GAREM1: variants seen among roughly 807,000 people sequenced by gnomAD.
GAREM1 encodes the protein GRB2 associated regulator of MAPK1 subtype 1.
A neutral mutation model predicts 71.3 loss-of-function variants in GAREM1; 26 were observed. The ratio of observed to expected loss-of-function variants is 0.36; its 90% CI spans 0.27 to 0.51. The LOEUF is 0.51. Among genes scored for constraint, GAREM1 ranks in the 20% least tolerant of loss-of-function variants. The probability of loss-of-function intolerance (pLI) is 0.95; values close to 1 mark genes in which losing one functional copy is unlikely to be tolerated. For synonymous variants in GAREM1, 440 were observed against 433.2 expected (o/e 1.02, Z -0.20); for missense variants, 1,026 against 1,103.1 (o/e 0.93, Z 0.99).
rs561131051 is a variant in GAREM1 at position 32,387,907 on chromosome 18, T to C, written c.262+4988A>G. On this transcript the variant is annotated intron_variant, in intron 2 of 5. Transcript: ENST00000269209. ...GTTTTATTGCTTTCCAAAATATGCA[T>C]GAATGGAGCTGTGGCCTATGGCTGC... 2.0e-5 allele frequency among the ~76,000 whole-genome samples: 3 copies of C among 152,322 alleles called. No homozygotes were observed. In the East Asian group the frequency reaches 5.8e-4, roughly 29 times the overall value.
intron 2 of GAREM1, among the ~76,000 whole-genome samples, chr18:32,378,265 C>T (rs2048057927): frequency 6.6e-6 from 1 of 152,086 alleles, no homozygotes; most frequent in Admixed American, 6.5e-5. Context: ...TTTGAGCGGC[C>T]AAGGCGGGTG....
chr18:32,371,079 G>A (rs2047973712), intron 2 of GAREM1, among the ~76,000 whole-genome samples: 1 of 152,144 alleles, frequency 6.6e-6, no homozygotes, highest in Non-Finnish European at 1.5e-5. Flanking sequence ...AGCATCAGAA[G>A]AGGCTTCCTA....
intron 1 of GAREM1, among the ~76,000 whole-genome samples, chr18:32,436,383 C>T (rs1160487808): frequency 2.0e-5 from 3 of 152,090 alleles, no homozygotes; most frequent in African/African-American, 7.2e-5. Context: ...GTGTGTATGA[C>T]TTGCAATGTC....
At chr18:32,300,973 T>C (rs929530733) in intron 3 of GAREM1, among the ~76,000 whole-genome samples, 1 of 151,714 alleles carries the variant, frequency 6.6e-6, no homozygotes, top group Non-Finnish European at 1.5e-5. Flanking sequence ...AGGTCTTCAT[T>C]TTTTCAGCAC....
At chr18:32,351,183 G>C (rs10502590) in intron 2 of GAREM1, among the ~76,000 whole-genome samples, 4 of 152,104 alleles carry the variant, frequency 2.6e-5, no homozygotes, top group Middle Eastern at 6.8e-3. Flanking sequence ...TCATTCAATT[G>C]CGTTAAAACT....
At chr18:32,458,035 A>C (rs1300378811) in intron 1 of GAREM1, among the ~76,000 whole-genome samples, 6 of 152,110 alleles carry the variant, frequency 3.9e-5, no homozygotes, top group Non-Finnish European at 8.8e-5. Context: ...GTGAATTTCT[A>C]TTATTTATTC....
chr18:32,442,815 G>A (rs982935167), intron 1 of GAREM1, among the ~76,000 whole-genome samples: 2 of 152,114 alleles, frequency 1.3e-5, no homozygotes, highest in Admixed American at 6.6e-5. Flanking sequence ...TGAAGATATT[G>A]TTCTAGAACA....
At chr18:32,395,080 A>G (rs113116160) in intron 1 of GAREM1, among the ~76,000 whole-genome samples, 10 of 152,320 alleles carry the variant, frequency 6.6e-5, no homozygotes, top group Middle Eastern at 3.4e-3. Flanking sequence ...TTAACCTTTA[A>G]AAGTTAGGAA....
intron 3 of GAREM1, among the ~76,000 whole-genome samples, chr18:32,296,707 G>GT (rs547556975): frequency 0.21 from 29,020 of 139,852 alleles, 3,040 homozygotes; most frequent in South Asian, 0.25. Flanking sequence ...TTTCTTGGCA[G>GT]TTTTTTTTTT....
intron 1 of GAREM1, among the ~76,000 whole-genome samples, chr18:32,400,669 A>C (rs181024510): frequency 0.033 from 5,049 of 152,230 alleles, 132 homozygotes; most frequent in East Asian, 0.11. Flanking sequence ...AAAAGTCAGG[A>C]AACAACAGGT....
chr18:32,391,311 A>T (rs1475505967), intron 2 of GAREM1, among the ~76,000 whole-genome samples: 1 of 152,106 alleles, frequency 6.6e-6, no homozygotes, highest in African/African-American at 2.4e-5. Flanking sequence ...CAGTTTGGAG[A>T]AGTAGACCAG....
At chr18:32,328,738 A>T (rs1284467865) in intron 2 of GAREM1, among the ~76,000 whole-genome samples, 1 of 152,206 alleles carries the variant, frequency 6.6e-6, no homozygotes, top group African/African-American at 2.4e-5. Flanking sequence ...AACAAAAATG[A>T]ATTCCTACCT....
intron 2 of GAREM1, among the ~76,000 whole-genome samples, chr18:32,362,890 C>T (rs994704657): frequency 4.6e-5 from 7 of 152,316 alleles, no homozygotes; most frequent in Middle Eastern, 3.4e-3. Flanking sequence ...TTTGCATCTA[C>T]GTTGAATCAT....
In GAREM1 at chr18:32,445,561, T is replaced by C. The variant is rs538725900; in HGVS notation, c.121+24747A>G. Among the ~76,000 whole-genome samples, 17 of 152,264 alleles carry C rather than the reference T, an allele frequency of 1.1e-4. No individual in the cohort carries two copies. The South Asian group carries it at 3.1e-3, about 28-fold the overall frequency. ...AATAGTCTTGTCAAAACTATTGCTATAGTAATATTTCAAGTTCATGAATTA... is the reference window on the plus strand; with the variant it reads ...AATAGTCTTGTCAAAACTATTGCTACAGTAATATTTCAAGTTCATGAATTA... On this transcript the variant is annotated intron_variant, in intron 1 of 5. Transcript: ENST00000269209.
intron 5 of GAREM1, 129 bp downstream of exon 5, chr18:32,270,088 A>G (rs1441505306): frequency 1.2e-5 from 12 of 978,720 alleles, no homozygotes; most frequent in Non-Finnish European, 1.8e-5. Context: ...AAAATTATTT[A>G]GAAAATTAAA....
intron 1 of GAREM1, among the ~76,000 whole-genome samples, chr18:32,422,345 T>C (rs143738177): frequency 6.6e-6 from 1 of 152,274 alleles, no homozygotes; most frequent in East Asian, 1.9e-4. Context: ...ATGCCTCCCA[T>C]CTTCCATTCA....
chr18:32,424,422 G>GA (rs1054252945), intron 1 of GAREM1, among the ~76,000 whole-genome samples: 57 of 152,268 alleles, frequency 3.7e-4, no homozygotes, highest in African/African-American at 1.3e-3. Flanking sequence ...TGATGATAAA[G>GA]TAAGATAAGA....
intron 2 of GAREM1, among the ~76,000 whole-genome samples, chr18:32,359,600 C>T (rs985783906): frequency 5.9e-5 from 9 of 152,040 alleles, no homozygotes; most frequent in African/African-American, 2.2e-4. Context: ...TCTTGTTAAT[C>T]CAAAGCATAA....
intron 2 of GAREM1, among the ~76,000 whole-genome samples, chr18:32,384,665 C>CTA (rs1218719532): frequency 7.2e-5 from 11 of 152,146 alleles, no homozygotes; most frequent in African/African-American, 2.7e-4. Flanking sequence ...TTCCCTCATA[C>CTA]TATAATACAT....
Sources: gnomAD v4.1 joint callset for allele counts (sites outside exome capture counted in the v4.1 genomes callset) on GRCh38, gnomAD v4.1.1 for gene constraint, MANE v1.5 for transcripts, NCBI Gene and HGNC (gene_info 2026-07-23, HGNC 2026-07-21) for gene names.